The following VWA5A variants were observed in gnomAD, a reference collection of about 807,000 sequenced individuals.
The protein encoded by VWA5A is von Willebrand factor A domain-containing protein 5A.
A neutral mutation model predicts 84.6 loss-of-function variants in VWA5A; 77 were observed. The observed-to-expected ratio is 0.91, with a 90% CI of 0.76 to 1.10. The LOEUF is 1.10. Among genes scored for constraint, VWA5A ranks in the 50% least tolerant of loss-of-function variants. The probability of loss-of-function intolerance (pLI) is 0.00; values close to 1 mark genes in which losing one functional copy is unlikely to be tolerated. For synonymous variants in VWA5A, 334 were observed against 350.1 expected (o/e 0.95, Z 0.51); for missense variants, 973 against 963.0 (o/e 1.01, Z -0.14).
At position 124,124,276 on chromosome 11, in the gene VWA5A, A is replaced by C; in HGVS notation, c.1204A>C (p.Ser402Arg). 1 of 1,613,990 alleles carries C rather than the reference A, an allele frequency of 6.2e-7. No individual in the cohort carries two copies. The highest frequency in any genetic ancestry group is 8.5e-7 in the Non-Finnish European group (1 of 1,179,964). ...FTDGEVTDTF[S>R]VIKEVRINRQ... ...AGATGGAGAAGTTACAGACACGTTT[A>C]GTGTAATTAAAGAAGTTAGGATCAA... The change falls in exon 11 of 19, where the codon AGT (serine) becomes CGT (arginine). Residue 402 changes from serine to arginine, a missense_variant. Ser to Arg is a moderately radical substitution (Grantham distance 110). Coordinates refer to ENST00000456829, the MANE Select transcript of VWA5A (RefSeq NM_001130142.2).
intron 11 of VWA5A, among the ~76,000 whole-genome samples, chr11:124,128,701 C>T (rs564799608): frequency 3.3e-5 from 5 of 152,230 alleles, no homozygotes; most frequent in East Asian, 3.9e-4. Flanking sequence ...CCTTCACATC[C>T]GTTGTAAGTT....
rs941045413 is a variant in VWA5A, at chr11:124,118,522, A to G, written c.470-11A>G. On this transcript the variant is annotated splice_polypyrimidine_tract_variant and intron_variant, in intron 5 of 18. Coordinates refer to ENST00000456829, the MANE Select transcript of VWA5A (RefSeq NM_001130142.2). ...TGGCAAGGAAAACAGAACTAAGGTC[A>G]TCTTTTATAGGGTCGTCTAAGGACA... The G allele has an allele frequency of 1.9e-6, 3 of 1,613,450 alleles. No homozygotes were observed. The highest frequency in any genetic ancestry group is 1.7e-6 in the Non-Finnish European group (2 of 1,179,620).
intron 7 of VWA5A, 29 bp from the exon 8 acceptor site, chr11:124,122,931 C>T (rs1476721193): frequency 6.3e-7 from 1 of 1,587,620 alleles, no homozygotes; most frequent in Admixed American, 1.8e-5. Context: ...TCCTTTTTGT[C>T]TTACAGTGGC....
intron 11 of VWA5A, among the ~76,000 whole-genome samples, chr11:124,126,266 A>G (rs1374084025): frequency 6.6e-6 from 1 of 152,230 alleles, no homozygotes; most frequent in African/African-American, 2.4e-5. Flanking sequence ...TTTTTACCAA[A>G]AAAGGAAACC....
chr11:124,117,920 C>T (rs1047188834), intron 4 of VWA5A, 45 bp downstream of exon 4: 2 of 1,602,296 alleles, frequency 1.2e-6, no homozygotes, highest in Non-Finnish European at 8.5e-7. Flanking sequence ...TACCTCCTCC[C>T]TTCTTATTTC....
intron 10 of VWA5A, 84 bp from the exon 11 acceptor site, chr11:124,124,153 A>C (rs1483834557): frequency 7.6e-7 from 1 of 1,317,586 alleles, no homozygotes; most frequent in African/African-American, 1.5e-5. Flanking sequence ...CTGCAATGAA[A>C]TAGGTGGATT....
chr11:124,117,954 T>G (rs1234481131), intron 4 of VWA5A, 79 bp downstream of exon 4: 2 of 1,524,336 alleles, frequency 1.3e-6, no homozygotes, highest in Non-Finnish European at 1.8e-6. Flanking sequence ...CTTTATGATC[T>G]CTACTAAATG....
At chr11:124,145,416 A>G in intron 18 of VWA5A, 53 bp downstream of exon 18, 1 of 1,552,830 alleles carries the variant, frequency 6.4e-7, no homozygotes, top group Non-Finnish European at 8.7e-7. Context: ...GCCTGGCGGA[A>G]GGTGACCACA....
In VWA5A at chr11:124,137,078, G is replaced by C; in HGVS notation, c.1689G>C (p.Glu563Asp). The change falls in exon 15 of 19, where the codon GAG becomes GAC. Residue 563 changes from glutamate (E) to aspartate (D), a missense_variant. Physicochemically the swap from Glu to Asp is conservative, Grantham distance 45 (BLOSUM62 2). Transcript: ENST00000456829. The part of the protein sequence containing the change: ...LLQTKDMGLR[E>D]TPASDKKDAL... The stretch of plus-strand genomic sequence containing the variant: ...AGACCAAGGACATGGGCCTCAGGGA[G>C]ACTCCAGCAAGTGATAAAAAAGATG... 6.2e-7 allele frequency: 1 copy of C among 1,613,416 alleles called. No homozygotes were observed. The highest frequency in any genetic ancestry group is 1.3e-5 in the African/African-American group (1 of 74,740).
At position 124,146,756 on chromosome 11, in the gene VWA5A, C is replaced by T. The variant is rs1016697225; in HGVS notation, c.*811C>T. The T allele has an allele frequency of 6.6e-6, 1 of 152,256 alleles. No individual in the cohort carries two copies. The highest frequency in any genetic ancestry group is 6.5e-5 in the Admixed American group (1 of 15,272). 9.4% of individuals were successfully genotyped at this position (152,256 alleles called of 1,614,324 possible). On this transcript the variant is annotated 3_prime_UTR_variant, in exon 19 of 19. Transcript: ENST00000456829. ...TTGCCTGGGACCTGAACCTGGAGCACTTACCGCATTAGGAAGAAAGGAGCT... is the reference window on the plus strand; with the variant it reads ...TTGCCTGGGACCTGAACCTGGAGCATTTACCGCATTAGGAAGAAAGGAGCT...
chr11:124,123,279 G>A, intron 8 of VWA5A, 87 bp from the exon 9 acceptor site: 3 of 1,512,862 alleles, frequency 2.0e-6, no homozygotes, highest in Non-Finnish European at 2.7e-6. Flanking sequence ...GTGGGGGATG[G>A]CCCACATCCT....
intron 13 of VWA5A, 55 bp downstream of exon 13, chr11:124,136,348 C>T: frequency 1.9e-6 from 3 of 1,577,304 alleles, no homozygotes; most frequent in Non-Finnish European, 2.6e-6. Context: ...CATGACCATT[C>T]CACTAAAGCT....
intron 17 of VWA5A, among the ~76,000 whole-genome samples, chr11:124,144,772 G>A (rs187070346): frequency 2.6e-4 from 40 of 152,208 alleles, no homozygotes; most frequent in African/African-American, 8.2e-4. Context: ...CACTTCTGTC[G>A]TTTGCTAGAC....
At position 124,136,658 on chromosome 11, in the gene VWA5A, C is replaced by T; in HGVS notation, c.1609C>T (p.Pro537Ser). ...FEDKVTFPLQ[P>S]KPDVNLTIHR... is the part of the protein sequence containing the mutation. ...GGATAAGGTGACATTTCCTCTACAA[C>T]CCAAGCCTGATGTCAAGTGAGAATT... Residue 537 changes from proline (P) to serine (S), a missense_variant, in exon 14 of 19, where the codon CCC becomes TCC. By Grantham distance (74) the Pro-to-Ser change is moderately conservative. Coordinates refer to ENST00000456829, the MANE Select transcript of VWA5A (RefSeq NM_001130142.2). The T allele has an allele frequency of 1.2e-6, 2 of 1,613,728 alleles. No homozygotes were observed. The highest frequency in any genetic ancestry group is 1.7e-6 in the Non-Finnish European group (2 of 1,179,864).
rs1303229242 is a variant in VWA5A at position 124,146,133 on chromosome 11, A to G, written c.*188A>G. 8 of 552,596 alleles carry G rather than the reference A, an allele frequency of 1.4e-5. No individual in the cohort carries two copies. Among genetic ancestry groups the G allele is most frequent in the African/African-American group, 7.8e-5 (4 of 51,306 alleles). The allele number at this position is 552,596 out of a possible 1,614,324, so 34.2% of individuals were successfully genotyped here. A position where few individuals can be genotyped will look rare whatever the true frequency, so the allele number is the denominator to read the frequency against. On this transcript the variant is annotated 3_prime_UTR_variant, in exon 19 of 19. Transcript: ENST00000456829. Reference sequence around the variant, plus strand: ...TGGATATGATCTTTCTTTTCCCAACATATGCCCTCAGAAAAGTGACAGTGG... The same window carrying G: ...TGGATATGATCTTTCTTTTCCCAACGTATGCCCTCAGAAAAGTGACAGTGG...
chr11:124,122,786 A>C (rs374717022), intron 7 of VWA5A, among the ~76,000 whole-genome samples, 174 bp from the exon 8 acceptor site: 1 of 152,000 alleles, frequency 6.6e-6, no homozygotes, highest in Non-Finnish European at 1.5e-5. Context: ...TGTCTGTCTT[A>C]TATATTTATA....
chr11:124,125,413 G>T (rs1011638610), intron 11 of VWA5A, among the ~76,000 whole-genome samples: 1 of 151,986 alleles, frequency 6.6e-6, no homozygotes, highest in African/African-American at 2.4e-5. Context: ...CTCCCAAGTA[G>T]CTGGGACTGC....
At chr11:124,141,495 G>A in intron 15 of VWA5A, 103 bp from the exon 16 acceptor site, 1 of 1,454,720 alleles carries the variant, frequency 6.9e-7, no homozygotes, top group East Asian at 2.3e-5. Context: ...GGTGGTGACT[G>A]AAGCCAGTGT....
rs144091873 is a variant in VWA5A at position 124,141,625 on chromosome 11, G to A, written c.1907G>A (p.Arg636His). 8.5e-4 allele frequency: 1,369 copies of A among 1,614,044 alleles called. 3 individuals carry two copies. Among genetic ancestry groups the A allele is most frequent in the Non-Finnish European group, 1.1e-3 (1,277 of 1,180,006 alleles). The change falls in exon 16 of 19, where the codon CGT becomes CAT. Residue 636 changes from arginine to histidine, a missense_variant. Coordinates refer to ENST00000456829, the MANE Select transcript of VWA5A (RefSeq NM_001130142.2). ...TTTCGAAAGGCCTTACACTCTGACC[G>A]TCCTCCTTCTGCATCTCAGCCCAGA... ...SGFRKALHSDRPPSASQPRGE... is the reference protein window; with the variant it reads ...SGFRKALHSDHPPSASQPRGE...
Sources: allele counts gnomAD v4.1 joint callset (sites outside exome capture counted in the v4.1 genomes callset), GRCh38; gene constraint gnomAD v4.1.1; transcripts MANE v1.5; gene names NCBI Gene and HGNC (gene_info 2026-07-23, HGNC 2026-07-21).